Variants in GRHL2 observed in about 807,000 individuals in gnomAD.
GRHL2 encodes the protein grainyhead like transcription factor 2, also known as grainyhead-like protein 2 homolog.
A neutral mutation model predicts 83.8 loss-of-function variants in GRHL2; 21 were observed. The ratio of observed to expected loss-of-function variants is 0.25; its 90% confidence interval spans 0.18 to 0.36. The LOEUF is 0.36. Among genes scored for constraint, GRHL2 ranks in the 10% least tolerant of loss-of-function variants. The probability of loss-of-function intolerance (pLI) is 1.00; values close to 1 mark genes in which losing one functional copy is unlikely to be tolerated. For synonymous variants in GRHL2, 280 were observed against 278.9 expected (o/e 1.00, Z -0.04); for missense variants, 623 against 781.8 (o/e 0.80, Z 2.42).
At chr8:101,637,853 G>A (rs376307099) in intron 12 of GRHL2, among the ~76,000 whole-genome samples, 11 of 152,036 alleles carry the variant, frequency 7.2e-5, no homozygotes, top group East Asian at 5.8e-4. Flanking sequence ...ATCTTCCCTC[G>A]TCATTCAAAC....
chr8:101,636,939 C>G lies in GRHL2; in HGVS notation c.1517+11C>G. 6.2e-7 allele frequency: 1 copy of G among 1,612,258 alleles called. No homozygotes were observed. The highest frequency in any genetic ancestry group is 8.5e-7 in the Non-Finnish European group (1 of 1,178,354). On this transcript the variant is annotated intron_variant, in intron 12 of 15. Transcript: ENST00000646743. ...TGATGAACGAGAAGGGTAAGACACTCAGTTCTTTCATTTCAACACTCCAAG... is the reference window on the plus strand; with the variant it reads ...TGATGAACGAGAAGGGTAAGACACTGAGTTCTTTCATTTCAACACTCCAAG...
intron 14 of GRHL2, among the ~76,000 whole-genome samples, chr8:101,654,387 T>C (rs1248911746): frequency 6.6e-6 from 1 of 152,184 alleles, no homozygotes. Context: ...CAGTAGATCT[T>C]AGCTGAGCAG....
chr8:101,576,827 A>G (rs1811942188), intron 6 of GRHL2, among the ~76,000 whole-genome samples: 2 of 152,230 alleles, frequency 1.3e-5, no homozygotes, highest in South Asian at 2.1e-4. Flanking sequence ...TTAGATTTAA[A>G]TAGATATCAT....
At position 101,573,554 on chromosome 8, in the gene GRHL2, C is replaced by CT. The variant is rs1811869294; in HGVS notation, c.735-113dup. On this transcript the variant is annotated intron_variant, in intron 5 of 15. Transcript: ENST00000646743. ...TTTTGCCATATGCTGTGTTTTGTCT[C>CT]TAAAACAGTAAACATTGGTTAATGT... 12 of 1,324,624 alleles carry CT rather than the reference C, an allele frequency of 9.1e-6. No individual in the cohort carries two copies. In the South Asian group the frequency reaches 1.4e-4, roughly 16 times the overall value. The allele number at this position is 1,324,624 out of a possible 1,614,324, so 82.1% of individuals were successfully genotyped here. A position where few individuals can be genotyped will look rare whatever the true frequency, so the allele number is the denominator to read the frequency against.
intron 1 of GRHL2, among the ~76,000 whole-genome samples, chr8:101,518,374 T>C (rs1324731883): frequency 6.6e-6 from 1 of 152,152 alleles, no homozygotes; most frequent in East Asian, 1.9e-4. Context: ...ATTGTGCCAC[T>C]GCACTCTGGC....
intron 1 of GRHL2, among the ~76,000 whole-genome samples, chr8:101,498,594 G>A (rs1285095422): frequency 6.6e-6 from 1 of 152,096 alleles, no homozygotes; most frequent in East Asian, 1.9e-4. Context: ...CTGATAAGAT[G>A]GTACTAGATC....
chr8:101,564,742 G>C (rs1202081710), intron 4 of GRHL2, among the ~76,000 whole-genome samples: 1 of 139,930 alleles, frequency 7.1e-6, no homozygotes, highest in African/African-American at 2.6e-5. Context: ...AGTCCAGGAA[G>C]TTCAGGCTGC....
intron 15 of GRHL2, 58 bp from the exon 16 acceptor site, chr8:101,666,531 C>T: frequency 9.9e-7 from 1 of 1,012,824 alleles, no homozygotes; most frequent in South Asian, 1.3e-5. Flanking sequence ...CTCCCCTTGC[C>T]CTGGGCACAT....
intron 7 of GRHL2, among the ~76,000 whole-genome samples, chr8:101,583,707 C>G (rs778510862): frequency 6.6e-5 from 10 of 152,198 alleles, no homozygotes; most frequent in Non-Finnish European, 1.2e-4. Context: ...GACTAGATAT[C>G]AGTCCAAATC....
chr8:101,583,453 G>T (rs1190706682), intron 7 of GRHL2, among the ~76,000 whole-genome samples: 1 of 152,210 alleles, frequency 6.6e-6, no homozygotes, highest in East Asian at 1.9e-4. Flanking sequence ...TTGCTAACTG[G>T]TTGGATGCCC....
intron 12 of GRHL2, among the ~76,000 whole-genome samples, chr8:101,639,598 C>G (rs772313700): frequency 6.6e-6 from 1 of 152,248 alleles, no homozygotes; most frequent in Non-Finnish European, 1.5e-5. Flanking sequence ...CCTCTTAATT[C>G]TTGACCTGTG....
chr8:101,510,060 G>A (rs1475661217), intron 1 of GRHL2, among the ~76,000 whole-genome samples: 3 of 151,800 alleles, frequency 2.0e-5, no homozygotes, highest in Non-Finnish European at 2.9e-5. Context: ...GTGTGATTTC[G>A]GCTCACTGCA....
downstream of GRHL2, among the ~76,000 whole-genome samples, chr8:101,670,378 T>G (rs79569029): frequency 0.012 from 1,881 of 152,338 alleles, 20 homozygotes; most frequent in Non-Finnish European, 0.016. Flanking sequence ...TCTATACATG[T>G]CCACAGCTTT....
chr8:101,541,482 G>A (rs1811153143), intron 1 of GRHL2, among the ~76,000 whole-genome samples: 1 of 151,858 alleles, frequency 6.6e-6, no homozygotes, highest in Non-Finnish European at 1.5e-5. Flanking sequence ...ACCAACATAT[G>A]TTGGTTCTTG....
the GRHL2 span, among the ~76,000 whole-genome samples, chr8:101,678,720 C>T: frequency 1.6e-4 from 24 of 151,980 alleles, no homozygotes; most frequent in African/African-American, 4.3e-4. Flanking sequence ...TCTCCCAGCA[C>T]GCAGCTGGAG....
downstream of GRHL2, among the ~76,000 whole-genome samples, chr8:101,671,143 A>ATCTC: frequency 6.6e-6 from 1 of 152,334 alleles, no homozygotes; most frequent in East Asian, 1.9e-4. Flanking sequence ...TACCGGGTTC[A>ATCTC]TCTCACTAGG....
At chr8:101,605,247 T>C (rs902976845) in intron 8 of GRHL2, among the ~76,000 whole-genome samples, 2 of 152,150 alleles carry the variant, frequency 1.3e-5, no homozygotes, top group Non-Finnish European at 2.9e-5. Context: ...AGAGACATCA[T>C]GGATAATCTT....
intron 1 of GRHL2, among the ~76,000 whole-genome samples, chr8:101,520,047 C>T (rs1008740915): frequency 1.3e-5 from 2 of 152,204 alleles, no homozygotes; most frequent in Non-Finnish European, 2.9e-5. Context: ...TCAAACTTAT[C>T]ATAAAGTCAA....
intron 9 of GRHL2, among the ~76,000 whole-genome samples, chr8:101,625,057 A>G (rs1275394293): frequency 6.6e-6 from 1 of 152,178 alleles, no homozygotes; most frequent in African/African-American, 2.4e-5. Flanking sequence ...ACATTTTCAA[A>G]TGATGTATAA....
Sources: allele counts gnomAD v4.1 joint callset (sites outside exome capture counted in the v4.1 genomes callset), GRCh38; gene constraint gnomAD v4.1.1; transcripts MANE v1.5; gene names NCBI Gene and HGNC (gene_info 2026-07-23, HGNC 2026-07-21).